Variants in FAT3 observed in about 807,000 individuals in gnomAD.
FAT3 encodes the protein FAT atypical cadherin 3.
Under a neutral mutation model 310.2 loss-of-function variants are expected in FAT3, and 95 were observed. The observed-to-expected ratio is 0.31, with a 90% confidence interval of 0.26 to 0.36. FAT3 has a LOEUF of 0.36. Among genes scored for constraint, FAT3 ranks in the 10% least tolerant of loss-of-function variants. The pLI is 1.00. For missense variants in FAT3, 5,408 were observed against 5,715.6 expected (o/e 0.95, Z 1.74); for synonymous variants, 2,314 against 2,192.9 (o/e 1.06, Z -1.54).
At chr11:92,552,936 T>A (rs1485669720) in intron 3 of FAT3, among the ~76,000 whole-genome samples, 1 of 135,950 alleles carries the variant, frequency 7.4e-6, no homozygotes, top group African/African-American at 2.7e-5. Context: ...GGTGACAGAG[T>A]GAGACACGTT....
chr11:92,579,884 G>C (rs1406495937), intron 3 of FAT3, among the ~76,000 whole-genome samples: 1 of 151,928 alleles, frequency 6.6e-6, no homozygotes, highest in Non-Finnish European at 1.5e-5. Flanking sequence ...ATTATCAAAA[G>C]CTTATAAAAT....
At chr11:92,866,674 G>A in intron 21 of FAT3, 67 bp from the exon 22 acceptor site, 2 of 1,424,812 alleles carry the variant, frequency 1.4e-6, no homozygotes, top group Non-Finnish European at 1.9e-6. Context: ...CCGGCCAGGA[G>A]CAGGGTGTAG....
chr11:92,422,846 A>G (rs2134986231), intron 2 of FAT3, among the ~76,000 whole-genome samples: 1 of 152,242 alleles, frequency 6.6e-6, no homozygotes, highest in East Asian at 1.9e-4. Context: ...ATCAGTAGAT[A>G]TTCGTTGCAT....
At chr11:92,663,496 G>T (rs890187711) in intron 3 of FAT3, among the ~76,000 whole-genome samples, 2 of 152,124 alleles carry the variant, frequency 1.3e-5, no homozygotes, top group East Asian at 3.9e-4. Flanking sequence ...AATAGCAACT[G>T]CCTCTTGAGC....
chr11:92,746,419 C>G (rs1432490700), intron 4 of FAT3, among the ~76,000 whole-genome samples: 2 of 152,094 alleles, frequency 1.3e-5, no homozygotes, highest in Non-Finnish European at 1.5e-5. Context: ...GAAACCGCGC[C>G]CATGATTCAT....
intron 2 of FAT3, among the ~76,000 whole-genome samples, chr11:92,431,425 C>G (rs1366950716): frequency 4.6e-5 from 7 of 151,724 alleles, no homozygotes; most frequent in East Asian, 1.9e-4. Flanking sequence ...TTTGTCAGAT[C>G]AGTAGATTGC....
intron 4 of FAT3, among the ~76,000 whole-genome samples, chr11:92,734,538 G>A (rs1434353184): frequency 6.6e-6 from 1 of 152,162 alleles, no homozygotes; most frequent in African/African-American, 2.4e-5. Context: ...GAAGTTAAAT[G>A]AGATAATGTC....
intron 1 of FAT3, among the ~76,000 whole-genome samples, chr11:92,282,657 TAA>T (rs10586850): frequency 0.64 from 90,561 of 141,752 alleles, 27,537 homozygotes; most frequent in African/African-American, 0.71. Context: ...TCTCAAAAAA[TAA>T]AAAAAAAAAA....
chr11:92,853,645 C>T (rs925015841), intron 19 of FAT3, among the ~76,000 whole-genome samples: 1 of 152,120 alleles, frequency 6.6e-6, no homozygotes, highest in Non-Finnish European at 1.5e-5. Flanking sequence ...TCAGGAGCCC[C>T]GCGGTGGGTA....
At chr11:92,375,131 G>T (rs1290783762) in intron 2 of FAT3, among the ~76,000 whole-genome samples, 3 of 151,694 alleles carry the variant, frequency 2.0e-5, no homozygotes, top group African/African-American at 7.3e-5. Flanking sequence ...TTATATAATT[G>T]GATTTTTCTG....
chr11:92,401,422 A>G (rs1438601524), intron 2 of FAT3, among the ~76,000 whole-genome samples: 2 of 152,176 alleles, frequency 1.3e-5, no homozygotes, highest in African/African-American at 4.8e-5. Flanking sequence ...CCCACAGGGC[A>G]ATTCTGAAAA....
At chr11:92,442,109 A>ATTTTTTTTTTTTTTTTTTTTTTT (rs1258493776) in intron 2 of FAT3, among the ~76,000 whole-genome samples, 1 of 50,090 alleles carries the variant, frequency 2.0e-5, no homozygotes, top group African/African-American at 1.5e-4. Context: ...ATATATATAT[A>ATTTTTTTTTTTTTTTTTTTTTTT]TATTTTTTTT....
intron 3 of FAT3, among the ~76,000 whole-genome samples, chr11:92,597,037 T>C (rs1939747386): frequency 6.6e-6 from 1 of 152,196 alleles, no homozygotes; most frequent in Non-Finnish European, 1.5e-5. Flanking sequence ...CATTGTATTC[T>C]CCTTCATGTA....
chr11:92,306,377 A>G (rs1033485798), intron 1 of FAT3, among the ~76,000 whole-genome samples: 7 of 149,468 alleles, frequency 4.7e-5, no homozygotes, highest in African/African-American at 1.7e-4. Context: ...GTCCTAGTGA[A>G]AGTAGAGGCC....
chr11:92,869,027 T>C (rs1949318860), intron 22 of FAT3, among the ~76,000 whole-genome samples: 1 of 152,214 alleles, frequency 6.6e-6, no homozygotes, highest in South Asian at 2.1e-4. Context: ...ATCTACCTCT[T>C]TGTCTTCCTG....
At chr11:92,317,004 G>A (rs1484668326) in intron 1 of FAT3, among the ~76,000 whole-genome samples, 3 of 152,138 alleles carry the variant, frequency 2.0e-5, no homozygotes, top group Admixed American at 1.3e-4. Flanking sequence ...GGGACTTCAG[G>A]ACTGATGATT....
intron 3 of FAT3, among the ~76,000 whole-genome samples, chr11:92,661,998 A>G (rs539966433): frequency 1.3e-5 from 2 of 152,276 alleles, no homozygotes; most frequent in South Asian, 4.1e-4. Context: ...GTAGCCAAGC[A>G]GAAGAACTCT....
intron 4 of FAT3, among the ~76,000 whole-genome samples, chr11:92,753,202 C>T (rs955321546): frequency 3.3e-5 from 5 of 152,116 alleles, no homozygotes; most frequent in Non-Finnish European, 7.4e-5. Flanking sequence ...CTGCCACTTT[C>T]CTTCAGGCCA....
chr11:92,326,613 GACCTT>G (rs1947774438), intron 1 of FAT3, among the ~76,000 whole-genome samples: 1 of 152,170 alleles, frequency 6.6e-6, no homozygotes, highest in African/African-American at 2.4e-5. Context: ...TAATAGATGT[GACCTT>G]ATTTGACCAT....
Sources: allele counts gnomAD v4.1 joint callset (sites outside exome capture counted in the v4.1 genomes callset), GRCh38; gene constraint gnomAD v4.1.1; transcripts MANE v1.5; gene names NCBI Gene and HGNC (gene_info 2026-07-23, HGNC 2026-07-21).